The following PDXDC1 variants were observed in gnomAD, a reference collection of about 807,000 sequenced individuals.
The protein encoded by PDXDC1 is pyridoxal-dependent decarboxylase domain-containing protein 1.
Under a neutral mutation model 100.1 loss-of-function variants are expected in PDXDC1, and 42 were observed. The observed-to-expected ratio is 0.42, with a 90% CI of 0.33 to 0.54. The LOEUF is 0.54. Ranked by LOEUF, PDXDC1 falls within the 20% of genes least tolerant of loss-of-function variation. PDXDC1 has a pLI of 0.10. For synonymous variants in PDXDC1, 260 were observed against 371.7 expected (o/e 0.70, Z 3.46); for missense variants, 636 against 979.2 (o/e 0.65, Z 4.68).
At chr16:15,055,157 A>G (rs2044454452) in intron 16 of PDXDC1, among the ~76,000 whole-genome samples, 1 of 152,210 alleles carries the variant, frequency 6.6e-6, no homozygotes, top group African/African-American at 2.4e-5. Flanking sequence ...TATGGCAAAT[A>G]GGACGTCTGC....
intron 1 of PDXDC1, among the ~76,000 whole-genome samples, chr16:14,991,297 G>GTGTT (rs1970756474): frequency 1.5e-5 from 2 of 131,636 alleles, no homozygotes; most frequent in African/African-American, 2.7e-5. Flanking sequence ...GTGTGTGTGT[G>GTGTT]TGTGTGTGTA....
chr16:15,044,665 CCAGTGGGG>C, intron 16 of PDXDC1: 1 of 534,538 alleles, frequency 1.9e-6, no homozygotes, highest in South Asian at 2.4e-5. Flanking sequence ...CCTCCATGCA[CCAGTGGGG>C]AACTTTGCTC....
chr16:15,040,146 A>T, downstream of PDXDC1: 1 of 741,156 alleles, frequency 1.3e-6, no homozygotes, highest in East Asian at 2.7e-5. Flanking sequence ...TTCTACCACC[A>T]CTCCTAAGAG....
intron 16 of PDXDC1, among the ~76,000 whole-genome samples, chr16:15,101,082 A>T (rs1195980137): frequency 6.6e-6 from 1 of 152,228 alleles, no homozygotes; most frequent in Non-Finnish European, 1.5e-5. Flanking sequence ...TTTCTTATGT[A>T]CAAAATGGGA....
At chr16:14,987,683 C>G (rs568503264) in intron 1 of PDXDC1, among the ~76,000 whole-genome samples, 1 of 152,396 alleles carries the variant, frequency 6.6e-6, no homozygotes, top group Non-Finnish European at 1.5e-5. Context: ...ACCATCTCTG[C>G]TCACTGCAGC....
intron 16 of PDXDC1, among the ~76,000 whole-genome samples, chr16:15,110,148 GA>G (rs375187720): frequency 0.021 from 2,651 of 128,248 alleles, 133 homozygotes; most frequent in Middle Eastern, 0.062. Context: ...CCCATCTCAG[GA>G]AAAAAAAAAA....
At chr16:14,998,064 T>C (rs1269596207) in intron 2 of PDXDC1, among the ~76,000 whole-genome samples, 3 of 152,300 alleles carry the variant, frequency 2.0e-5, no homozygotes, top group Non-Finnish European at 4.4e-5. Flanking sequence ...TTACTTAATA[T>C]ATTGATTTGA....
chr16:15,035,352 A>AG (rs1325799676), intron 21 of PDXDC1, 97 bp from the exon 22 acceptor site: 12 of 590,590 alleles, frequency 2.0e-5, no homozygotes, highest in Non-Finnish European at 2.9e-5. Flanking sequence ...AGTGGCTGGA[A>AG]GGAGGTTATT....
At chr16:15,124,227 C>A (rs1212190488) in intron 16 of PDXDC1, among the ~76,000 whole-genome samples, 2 of 152,168 alleles carry the variant, frequency 1.3e-5, no homozygotes, top group Admixed American at 1.3e-4. Flanking sequence ...GTGACCAGGA[C>A]AGACCCCCAC....
Position 15,099,587 on chromosome 16 carries a change from C to A in PDXDC1, c.1400-39292C>A, listed in dbSNP as rs1177135712. Among the ~76,000 whole-genome samples, 2 of 151,902 alleles carry A rather than the reference C, an allele frequency of 1.3e-5. 1 individual carries two copies. Among genetic ancestry groups the A allele is most frequent in the South Asian group, 4.2e-4 (2 of 4,814 alleles). On this transcript the variant is annotated intron_variant, in intron 16 of 16. Coordinates refer to the PDXDC1 transcript ENST00000535621. ...CAGGATAAAAGCCTCCTTATCCAGT[C>A]TTGCCTTCCCCAGAGAAAATAAAGG...
intron 16 of PDXDC1, among the ~76,000 whole-genome samples, chr16:15,073,395 T>C (rs1438796300): frequency 6.6e-6 from 1 of 152,194 alleles, no homozygotes; most frequent in Non-Finnish European, 1.5e-5. Context: ...AGGTCAAGGC[T>C]GCAGTAAGCC....
At chr16:14,991,628 C>CT (rs1343356294) in intron 1 of PDXDC1, among the ~76,000 whole-genome samples, 1 of 152,030 alleles carries the variant, frequency 6.6e-6, no homozygotes, top group Non-Finnish European at 1.5e-5. Flanking sequence ...AAGCAATCCT[C>CT]TTGCCTCAGC....
rs755230928 is a variant in PDXDC1, at chr16:15,035,573, C to T, written c.2107+20C>T. The T allele has an allele frequency of 4.5e-5, 66 of 1,465,976 alleles. 1 individual carries two copies. The highest frequency in any genetic ancestry group is 5.5e-5 in the Non-Finnish European group (58 of 1,059,740). 90.8% of individuals were successfully genotyped at this position (1,465,976 alleles called of 1,614,324 possible). A position where few individuals can be genotyped will look rare whatever the true frequency, so the allele number is the denominator to read the frequency against. The stretch of plus-strand genomic sequence containing the variant: ...TTCCAGGTAAGTGACGCCTCTGCAC[C>T]GAGTTCAGGTAACAGGTTTCCCCTG... On this transcript the variant is annotated intron_variant, in intron 22 of 22. Coordinates refer to ENST00000396410, the MANE Select transcript of PDXDC1 (RefSeq NM_015027.4).
chr16:15,127,957 C>T, intron 16 of PDXDC1: 2 of 1,524,156 alleles, frequency 1.3e-6, no homozygotes, highest in East Asian at 2.3e-5. Flanking sequence ...CCTGCCCAAC[C>T]TCCCACGGAG....
chr16:15,142,233 A>G (rs1480972105), downstream of PDXDC1, among the ~76,000 whole-genome samples: 1 of 152,082 alleles, frequency 6.6e-6, no homozygotes, highest in African/African-American at 2.4e-5. Flanking sequence ...CGAGGACCCC[A>G]GAGCCCCCCC....
intron 16 of PDXDC1, chr16:15,104,337 T>C (rs1014293883): frequency 1.3e-6 from 2 of 1,583,810 alleles, no homozygotes; most frequent in Non-Finnish European, 1.7e-6. Flanking sequence ...TATTATTTAT[T>C]TATTCTTCGT....
At chr16:15,137,585 T>G in intron 16 of PDXDC1, 7 of 1,312,044 alleles carry the variant, frequency 5.3e-6, no homozygotes, top group Non-Finnish European at 7.4e-6. Flanking sequence ...TCCTCCTGGC[T>G]CCACCCCACA....
chr16:15,092,379 G>A (rs1454343523), intron 16 of PDXDC1: 1 of 675,978 alleles, frequency 1.5e-6, no homozygotes, highest in East Asian at 2.7e-5. Context: ...ACGGCATCAT[G>A]CTATTATTAA....
chr16:15,131,465 G>A lies in PDXDC1; in HGVS notation c.1400-7414G>A, dbSNP rs1598246349. ...TAGGGGATGGAGAAGTGGCAGCCAG[G>A]CCCTGGGGCGCCGCCATAGCACAGC... On this transcript the variant is annotated intron_variant, in intron 16 of 16. Transcript: ENST00000535621. The A allele has an allele frequency of 1.9e-6, 3 of 1,607,242 alleles. No individual in the cohort carries two copies. The East Asian group carries it at 6.7e-5, about 36-fold the overall frequency.
Sources: allele counts gnomAD v4.1 joint callset (sites outside exome capture counted in the v4.1 genomes callset), GRCh38; gene constraint gnomAD v4.1.1; transcripts MANE v1.5; gene names NCBI Gene and HGNC (gene_info 2026-07-23, HGNC 2026-07-21).